Variants in ASMTL observed in about 807,000 individuals in gnomAD.
The protein encoded by ASMTL is probable bifunctional dTTP/UTP pyrophosphatase/methyltransferase protein.
Under a neutral mutation model 60.3 loss-of-function variants are expected in ASMTL, and 57 were observed. That is an observed-to-expected ratio of 0.95 (90% CI 0.76 to 1.18). The LOEUF (loss-of-function observed/expected upper bound fraction) is 1.18. Among genes scored for constraint, ASMTL ranks in the 50% most tolerant of loss-of-function variants. The probability of loss-of-function intolerance (pLI) is 0.00; values close to 1 mark genes in which losing one functional copy is unlikely to be tolerated. For synonymous variants in ASMTL, 419 were observed against 373.0 expected (o/e 1.12, Z -1.42); for missense variants, 981 against 852.6 (o/e 1.15, Z -1.88).
chrX:1,437,552 T>A (rs190420688), intron 3 of ASMTL, among the ~76,000 whole-genome samples: 69 of 152,198 alleles, frequency 4.5e-4, no homozygotes, highest in Admixed American at 2.2e-3. Context: ...TGAGATGTCT[T>A]AGTCCATTTC....
Position 1,412,594 on chromosome X carries a change from C to G in ASMTL, c.1645+138G>C, listed in dbSNP as rs1259173670. 14 of 1,152,662 alleles carry G rather than the reference C, an allele frequency of 1.2e-5. 1 individual carries two copies. The highest frequency in any genetic ancestry group is 8.1e-5 in the South Asian group (6 of 74,002). 71.4% of individuals were successfully genotyped at this position (1,152,662 alleles called of 1,614,324 possible). ...GCCAGGCTGGTCTGAAACTCCTGAC[C>G]TCAGGTGATCCGCCCGCCTCGGCCT... On this transcript the variant is annotated intron_variant, in intron 12 of 12. Coordinates refer to ENST00000381317, the MANE Select transcript of ASMTL (RefSeq NM_004192.4).
At chrX:1,442,517 A>G (rs1271561823) in intron 1 of ASMTL, 200 bp from the exon 2 acceptor site, 6 of 183,884 alleles carry the variant, frequency 3.3e-5, no homozygotes, top group Non-Finnish European at 5.1e-5. Flanking sequence ...AAGTGTGGTT[A>G]GTGGGCCGCG....
chrX:1,427,930 G>T lies in ASMTL; in HGVS notation c.701C>A (p.Thr234Asn), dbSNP rs754194279. Residue 234 changes from threonine (T) to asparagine (N), a missense_variant, in exon 7 of 13, where the codon ACC (threonine) becomes AAC (asparagine). By Grantham distance (65) the Thr-to-Asn change is moderately conservative (BLOSUM62 0). Coordinates refer to ENST00000381317, the MANE Select transcript of ASMTL (RefSeq NM_004192.4). Reference protein sequence around the residue: ...VKHDSIPAADTFEDLSDVEGG... With the variant: ...VKHDSIPAADNFEDLSDVEGG... Reference sequence around the variant, plus strand: ...CTCCACGTCACTGAGGTCTTCGAAGGTGTCCGCGGCCGGGATGGAGTCGTG... The same window carrying T: ...CTCCACGTCACTGAGGTCTTCGAAGTTGTCCGCGGCCGGGATGGAGTCGTG... The T allele has an allele frequency of 6.8e-6, 11 of 1,613,426 alleles. No individual in the cohort carries two copies. The highest frequency in any genetic ancestry group is 9.3e-6 in the Non-Finnish European group (11 of 1,179,830).
chrX:1,415,706 T>C (rs1246960818), intron 11 of ASMTL, among the ~76,000 whole-genome samples: 1 of 152,090 alleles, frequency 6.6e-6, no homozygotes, highest in African/African-American at 2.4e-5. Context: ...CCACAGGGGA[T>C]CCGCCCGCCT....
At chrX:1,403,534 G>T in intron 12 of ASMTL, 45 bp from the exon 13 acceptor site, 2 of 1,571,788 alleles carry the variant, frequency 1.3e-6, no homozygotes, top group Non-Finnish European at 1.7e-6. Context: ...AGCCAGGCGG[G>T]GATCCTTCAG....
Position 1,421,669 on chromosome X carries a change from C to A in ASMTL, c.1234G>T (p.Asp412Tyr), listed in dbSNP as rs1375965839. The change falls in exon 9 of 13, where the codon GAT becomes TAT. Residue 412 changes from aspartate to tyrosine, a missense_variant. Physicochemically the swap from Asp to Tyr is radical, Grantham distance 160. Transcript: ENST00000381317. ...HHRALGKKAE[D>Y]LFQDAYYQSP... The stretch of plus-strand genomic sequence containing the variant: ...GGGTGTTATGCTACCTGGAACAGAT[C>A]TTCCGCCTTCTTCCCCAACGCCCTG... 6.2e-7 allele frequency: 1 copy of A among 1,613,790 alleles called. No individual in the cohort carries two copies. The highest frequency in any genetic ancestry group is 2.2e-5 in the East Asian group (1 of 44,892).
At chrX:1,420,670 A>AG (rs1354457267) in intron 9 of ASMTL, among the ~76,000 whole-genome samples, 1 of 152,214 alleles carries the variant, frequency 6.6e-6, no homozygotes, top group Non-Finnish European at 1.5e-5. Flanking sequence ...GGGCGGGGAA[A>AG]GGGGAAGGAG....
chrX:1,434,112 G>C (rs775091239), intron 5 of ASMTL, among the ~76,000 whole-genome samples: 51 of 152,202 alleles, frequency 3.4e-4, no homozygotes, highest in African/African-American at 1.1e-3. Context: ...ATGCCTCCTG[G>C]TGTCCGCCAA....
intron 10 of ASMTL, 34 bp from the exon 11 acceptor site, chrX:1,418,150 G>C: frequency 6.4e-7 from 1 of 1,563,796 alleles, no homozygotes; most frequent in Non-Finnish European, 8.7e-7. Context: ...CTGTGGCTGG[G>C]TCGTCTATGG....
At chrX:1,439,479 G>C in intron 2 of ASMTL, among the ~76,000 whole-genome samples, 1 of 152,312 alleles carries the variant, frequency 6.6e-6, no homozygotes, top group Non-Finnish European at 1.5e-5. Flanking sequence ...GTTTGATTCA[G>C]GGGCCCCAAA....
rs766005348 is a variant in ASMTL, at chrX:1,419,009, G to A, written c.1351C>T (p.Arg451Cys). 26 of 1,611,736 alleles carry A rather than the reference G, an allele frequency of 1.6e-5. No individual in the cohort carries two copies. Among genetic ancestry groups the A allele is most frequent in the Middle Eastern group, 2.2e-4 (1 of 4,494 alleles). ...CQVATAFNLS[R>C]FSSACDVGGC... Reference sequence around the variant, plus strand: ...CCCACGTCGCAGGCGGAGGAGAAGCGGGACAGATTGAAGGCCGTGGCCACC... The same window carrying A: ...CCCACGTCGCAGGCGGAGGAGAAGCAGGACAGATTGAAGGCCGTGGCCACC... Residue 451 changes from arginine (R) to cysteine (C), a missense_variant, in exon 10 of 13, where the codon CGC becomes TGC. Physicochemically the swap from Arg to Cys is radical, Grantham distance 180 (BLOSUM62 -3). Coordinates refer to ENST00000381317, the MANE Select transcript of ASMTL (RefSeq NM_004192.4).
chrX:1,405,454 AGAT>A (rs2089784760), intron 12 of ASMTL, among the ~76,000 whole-genome samples: 1 of 151,442 alleles, frequency 6.6e-6, no homozygotes, highest in South Asian at 2.1e-4. Context: ...AATAGATAGT[AGAT>A]GATGGTTAGG....
At chrX:1,444,761 G>C (rs1209263947) in intron 1 of ASMTL, among the ~76,000 whole-genome samples, 1 of 151,888 alleles carries the variant, frequency 6.6e-6, no homozygotes, top group Non-Finnish European at 1.5e-5. Flanking sequence ...AGCTCATCCT[G>C]GGCTAACTCC....
chrX:1,442,257 C>A lies in ASMTL; in HGVS notation c.154G>T (p.Ala52Ser). 4 of 1,613,830 alleles carry A rather than the reference C, an allele frequency of 2.5e-6. No individual in the cohort carries two copies. The highest frequency in any genetic ancestry group is 1.7e-5 in the Admixed American group (1 of 59,992). ...TCCATGGCGTACCCATACGGAGTAGCGAAGGAGGCTTTGTCCAGCTTCTCT... is the reference window on the plus strand; with the variant it reads ...TCCATGGCGTACCCATACGGAGTAGAGAAGGAGGCTTTGTCCAGCTTCTCT... The part of the protein sequence containing the change: ...FKEKLDKASF[A>S]TPYGYAMETA... The change falls in exon 2 of 13, where the codon GCT becomes TCT. Residue 52 changes from alanine to serine, a missense_variant. Ala to Ser is a moderately conservative substitution (Grantham distance 99). Transcript: ENST00000381317.
intron 7 of ASMTL, among the ~76,000 whole-genome samples, chrX:1,427,005 A>AC (rs367703645): frequency 7.2e-6 from 1 of 139,760 alleles, no homozygotes; most frequent in South Asian, 2.4e-4. Context: ...AAAAACAAAA[A>AC]AAAGAGAAAA....
intron 12 of ASMTL, among the ~76,000 whole-genome samples, chrX:1,407,926 C>T (rs1412915829): frequency 4.0e-5 from 6 of 151,846 alleles, no homozygotes; most frequent in Non-Finnish European, 7.4e-5. Flanking sequence ...AGACAGAGGC[C>T]GGGTGCAGTG....
intron 5 of ASMTL, among the ~76,000 whole-genome samples, chrX:1,434,778 G>C (rs1343975710): frequency 1.4e-5 from 2 of 143,668 alleles, no homozygotes; most frequent in East Asian, 2.0e-4. Context: ...CTGGGTAAGA[G>C]AGCGAGACTC....
At chrX:1,416,416 AACAG>A (rs370846658) in intron 11 of ASMTL, among the ~76,000 whole-genome samples, 89,284 of 124,404 alleles carry the variant, frequency 0.72, 30,721 homozygotes, top group South Asian at 0.88. Flanking sequence ...CAGATACACC[AACAG>A]ACAGGCACAC....
intron 12 of ASMTL, among the ~76,000 whole-genome samples, chrX:1,406,466 GGTAC>G: frequency 6.6e-6 from 1 of 151,454 alleles, no homozygotes; most frequent in Middle Eastern, 3.4e-3. Flanking sequence ...GTAGATGATG[GGTAC>G]GTAGATAGAT....
Sources: gnomAD v4.1 joint callset for allele counts (sites outside exome capture counted in the v4.1 genomes callset) on GRCh38, gnomAD v4.1.1 for gene constraint, MANE v1.5 for transcripts, NCBI Gene and HGNC (gene_info 2026-07-23, HGNC 2026-07-21) for gene names.